Variants in NRG1 observed in about 807,000 individuals in gnomAD.
NRG1 encodes pro-neuregulin-1, membrane-bound isoform.
In NRG1, 18 loss-of-function variants were observed where a neutral mutation model predicts 63.8. The ratio of observed to expected loss-of-function variants is 0.28; its 90% CI spans 0.19 to 0.42. The LOEUF is 0.42. Ranked by LOEUF, NRG1 falls within the 10% of genes least tolerant of loss-of-function variation. NRG1 has a pLI of 1.00. For missense variants in NRG1, 762 were observed against 814.7 expected, an observed-to-expected ratio of 0.94 and a Z score of 0.79; for synonymous variants, 302 against 301.3, an observed-to-expected ratio of 1.00 and a Z score of -0.02.
intron 1 of NRG1, among the ~76,000 whole-genome samples, chr8:32,305,129 A>C (rs550374195): frequency 2.0e-5 from 3 of 152,294 alleles, no homozygotes; most frequent in African/African-American, 7.2e-5. Context: ...ACTTTGAAGA[A>C]GATTGTAGGT....
chr8:32,590,782 T>C (rs1842391664), intron 1 of NRG1, among the ~76,000 whole-genome samples: 1 of 152,160 alleles, frequency 6.6e-6, no homozygotes, highest in Admixed American at 6.5e-5. Flanking sequence ...AAAGAAAATT[T>C]ACTCTGTTGA....
intron 1 of NRG1, among the ~76,000 whole-genome samples, chr8:32,575,310 C>CCTACTTCTTCTTTCTCTT (rs1197644235): frequency 6.6e-6 from 1 of 152,028 alleles, no homozygotes; most frequent in Non-Finnish European, 1.5e-5. Context: ...TTGTGGTTGG[C>CCTACTTCTTCTTTCTCTT]CTACTTCTTC....
intron 1 of NRG1, among the ~76,000 whole-genome samples, chr8:32,058,844 T>C (rs1823389947): frequency 6.6e-6 from 1 of 152,088 alleles, no homozygotes. Context: ...AATGAGGATC[T>C]TGGTCCCATA....
chr8:31,658,461 CTTCT>C (rs1356329503), intron 1 of NRG1, among the ~76,000 whole-genome samples: 1 of 151,964 alleles, frequency 6.6e-6, no homozygotes. Context: ...TGGTAAGTGC[CTTCT>C]TTCTTTCTTT....
At position 32,622,312 on chromosome 8, in the gene NRG1, T is replaced by C. The variant is rs185204404; in HGVS notation, c.502+5427T>C. 8.5e-3 allele frequency among the ~76,000 whole-genome samples: 1,287 copies of C among 152,274 alleles called. 3 individuals are homozygous for C. Among genetic ancestry groups the C allele is most frequent in the Middle Eastern group, 0.027 (8 of 294 alleles). ...TAATAAAAGAAATAAATTCTGGTGC[T>C]GCTAATTACCGTATAATTTTAAACA... is the stretch of plus-strand genomic sequence containing the variant. On this transcript the variant is annotated intron_variant, in intron 5 of 11. Coordinates refer to ENST00000356819, the Ensembl canonical transcript of NRG1.
intron 1 of NRG1, among the ~76,000 whole-genome samples, chr8:32,176,942 T>C (rs1193362704): frequency 6.6e-6 from 1 of 152,114 alleles, no homozygotes; most frequent in East Asian, 1.9e-4. Context: ...GATCTAGAAC[T>C]AGAAATACCA....
chr8:32,434,338 A>G (rs1339986115), intron 1 of NRG1, among the ~76,000 whole-genome samples: 1 of 152,186 alleles, frequency 6.6e-6, no homozygotes, highest in African/African-American at 2.4e-5. Flanking sequence ...GCTGAGTGCT[A>G]AAAGCATTGT....
At chr8:31,678,313 C>A (rs1210954193) in intron 1 of NRG1, among the ~76,000 whole-genome samples, 1 of 152,074 alleles carries the variant, frequency 6.6e-6, no homozygotes, top group Non-Finnish European at 1.5e-5. Context: ...TTCACAGTAG[C>A]ATTTGAAACA....
At chr8:32,273,236 C>T (rs1851731840) in intron 1 of NRG1, among the ~76,000 whole-genome samples, 1 of 152,012 alleles carries the variant, frequency 6.6e-6, no homozygotes, top group Non-Finnish European at 1.5e-5. Context: ...CTTTCTGAGT[C>T]TTTTCTGGTC....
chr8:32,663,447 A>G (rs1803371473), intron 5 of NRG1, among the ~76,000 whole-genome samples: 1 of 152,088 alleles, frequency 6.6e-6, no homozygotes, highest in Non-Finnish European at 1.5e-5. Context: ...TGTATACTAT[A>G]AGCTCTAAGA....
At chr8:32,340,484 A>G (rs1803932460) in intron 1 of NRG1, among the ~76,000 whole-genome samples, 1 of 152,222 alleles carries the variant, frequency 6.6e-6, no homozygotes, top group African/African-American at 2.4e-5. Context: ...ATGCTGTACC[A>G]TTGGTAGTAA....
chr8:32,436,894 T>TAC (rs10543606), intron 1 of NRG1, among the ~76,000 whole-genome samples: 104 of 149,650 alleles, frequency 6.9e-4, no homozygotes, highest in East Asian at 5.6e-3. Context: ...TATACACACA[T>TAC]ACACACACAC....
At chr8:32,481,908 G>A (rs1328657326) in intron 1 of NRG1, among the ~76,000 whole-genome samples, 1 of 152,132 alleles carries the variant, frequency 6.6e-6, no homozygotes, top group Non-Finnish European at 1.5e-5. Flanking sequence ...AGCTTGTTGG[G>A]GGGTTAGTAT....
At chr8:32,320,769 G>A (rs1479920722) in intron 1 of NRG1, among the ~76,000 whole-genome samples, 1 of 152,152 alleles carries the variant, frequency 6.6e-6, no homozygotes, top group African/African-American at 2.4e-5. Flanking sequence ...TGCAGAAATA[G>A]ACTGCTCACC....
intron 1 of NRG1, among the ~76,000 whole-genome samples, chr8:31,739,124 T>TGTA (rs1815000714): frequency 6.6e-6 from 1 of 152,080 alleles, no homozygotes; most frequent in Admixed American, 6.6e-5. Flanking sequence ...AATTTACTAG[T>TGTA]AGTATTTCTG....
chr8:31,776,316 C>G (rs964064220), intron 1 of NRG1, among the ~76,000 whole-genome samples: 1 of 152,176 alleles, frequency 6.6e-6, no homozygotes, highest in Non-Finnish European at 1.5e-5. Flanking sequence ...TTGTCTGAAG[C>G]CTGAGATGGC....
chr8:32,307,585 G>C (rs756969007), intron 1 of NRG1, among the ~76,000 whole-genome samples: 1 of 44,734 alleles, frequency 2.2e-5, no homozygotes, highest in African/African-American at 6.2e-5. Flanking sequence ...GGTCACCCAG[G>C]GGTTTGTGTG....
intron 1 of NRG1, among the ~76,000 whole-genome samples, chr8:32,467,667 A>G (rs1767989087): frequency 6.6e-6 from 1 of 152,004 alleles, no homozygotes; most frequent in South Asian, 2.1e-4. Flanking sequence ...TCCTTTAAAG[A>G]GTATAACATG....
intron 1 of NRG1, among the ~76,000 whole-genome samples, chr8:32,283,508 A>T (rs1287247535): frequency 6.6e-6 from 1 of 152,206 alleles, no homozygotes; most frequent in East Asian, 1.9e-4. Context: ...GAACGCAATG[A>T]AACCCAACTA....
Sources: allele counts gnomAD v4.1 joint callset (sites outside exome capture counted in the v4.1 genomes callset), GRCh38; gene constraint gnomAD v4.1.1; transcripts MANE v1.5; gene names NCBI Gene and HGNC (gene_info 2026-07-23, HGNC 2026-07-21).